IFT43: variants seen among roughly 807,000 people sequenced by gnomAD.
IFT43 encodes the protein intraflagellar transport 43.
In IFT43, 33 loss-of-function variants were observed where a neutral mutation model predicts 32.3. The ratio of observed to expected loss-of-function variants is 1.02; its 90% confidence interval spans 0.77 to 1.37. IFT43 has a LOEUF of 1.37. Among genes scored for constraint, IFT43 ranks in the 40% most tolerant of loss-of-function variants. The pLI is 0.00. For missense variants in IFT43, 274 were observed against 265.9 expected, an observed-to-expected ratio of 1.03 and a Z score of -0.21; for synonymous variants, 93 against 98.2, an observed-to-expected ratio of 0.95 and a Z score of 0.31.
At chr14:76,002,249 AAAAAT>A (rs747248767) in intron 2 of IFT43, among the ~76,000 whole-genome samples, 30 of 152,250 alleles carry the variant, frequency 2.0e-4, no homozygotes, top group African/African-American at 7.2e-5. Flanking sequence ...CTGTGTCTCA[AAAAAT>A]AAAATAAATA....
chr14:76,018,906 G>A (rs1853456664), intron 2 of IFT43, among the ~76,000 whole-genome samples: 1 of 151,932 alleles, frequency 6.6e-6, no homozygotes, highest in African/African-American at 2.4e-5. Context: ...GTCTATGTGT[G>A]TCTTTATAAG....
In IFT43 at chr14:75,991,388, AGTGTGTGTGTGTGT is replaced by A. The variant is rs34624480; in HGVS notation, c.147+2436_147+2449del. On this transcript the variant is annotated intron_variant, in intron 2 of 8. Transcript: ENST00000314067. ...ATATATATATATAAATATTAACAAGAGTGTGTGTGTGTGTGTGTGTGTGTGTGTGTGTGTGTGTA... is the reference window on the plus strand; with the variant it reads ...ATATATATATATAAATATTAACAAGAGTGTGTGTGTGTGTGTGTGTGTGTA... 8.2e-3 allele frequency among the ~76,000 whole-genome samples: 1,168 copies of A among 141,990 alleles called. 9 individuals carry two copies. The highest frequency in any genetic ancestry group is 0.011 in the Non-Finnish European group (696 of 65,716). The allele number at this position is 141,990 out of a possible 152,430, so 93.2% of individuals were successfully genotyped here.
At chr14:76,080,627 T>C (rs2037492596) in intron 5 of IFT43, among the ~76,000 whole-genome samples, 1 of 152,172 alleles carries the variant, frequency 6.6e-6, no homozygotes, top group Non-Finnish European at 1.5e-5. Flanking sequence ...ACTCCAAAAC[T>C]GTCACACTGC....
Position 76,083,429 on chromosome 14 carries a change from G to T in IFT43, c.508-29G>T, listed in dbSNP as rs369893677. 4 of 1,613,966 alleles carry T rather than the reference G, an allele frequency of 2.5e-6. No individual in the cohort carries two copies. The African/African-American group carries it at 5.3e-5, about 22-fold the overall frequency. On this transcript the variant is annotated intron_variant, in intron 8 of 8. Transcript: ENST00000314067. ...CAGTTGAGGGAAAAGGCCTTTCTTT[G>T]TCTTACCCAGCGAAACCCTTCTTGG...
chr14:75,989,725 C>T (rs2035599678), intron 2 of IFT43, among the ~76,000 whole-genome samples: 2 of 152,060 alleles, frequency 1.3e-5, no homozygotes, highest in Non-Finnish European at 2.9e-5. Context: ...TGTCTGTCTC[C>T]CCCACCGGAC....
intron 5 of IFT43, among the ~76,000 whole-genome samples, chr14:76,080,786 A>G (rs771172602): frequency 2.6e-5 from 4 of 152,224 alleles, no homozygotes; most frequent in African/African-American, 4.8e-5. Context: ...CTAAATTTCT[A>G]TTAGCATAAG....
chr14:76,035,574 A>T (rs943465684), intron 3 of IFT43, among the ~76,000 whole-genome samples: 2 of 152,188 alleles, frequency 1.3e-5, no homozygotes, highest in African/African-American at 4.8e-5. Context: ...CAAGTAGTTG[A>T]TTCCTATTAG....
At chr14:76,028,614 G>A (rs997909929) in intron 3 of IFT43, among the ~76,000 whole-genome samples, 3 of 151,732 alleles carry the variant, frequency 2.0e-5, no homozygotes, top group Non-Finnish European at 3.0e-5. Flanking sequence ...GTCCTCGCCC[G>A]CAACCCCTTT....
chr14:76,076,353 C>T (rs76025559), intron 5 of IFT43, among the ~76,000 whole-genome samples: 1 of 152,158 alleles, frequency 6.6e-6, no homozygotes, highest in East Asian at 1.9e-4. Flanking sequence ...CTGAACATGA[C>T]CAGGGAATCC....
chr14:76,035,396 G>A (rs1013997437), intron 3 of IFT43, among the ~76,000 whole-genome samples: 7 of 152,226 alleles, frequency 4.6e-5, no homozygotes, highest in African/African-American at 1.2e-4. Context: ...TTAAGATGGC[G>A]GTAGAACTGC....
intron 5 of IFT43, among the ~76,000 whole-genome samples, chr14:76,060,585 G>C (rs1244839944): frequency 6.6e-6 from 1 of 151,164 alleles, no homozygotes; most frequent in African/African-American, 2.4e-5. Context: ...TTGTTTGTTT[G>C]TGTAGATCCT....
At chr14:76,052,727 A>G (rs530090900) in intron 3 of IFT43, among the ~76,000 whole-genome samples, 2 of 152,344 alleles carry the variant, frequency 1.3e-5, no homozygotes, top group African/African-American at 2.4e-5. Flanking sequence ...AGGGAGGAAT[A>G]TGGAGAGAAA....
At chr14:76,047,512 G>C (rs2036830609) in intron 3 of IFT43, among the ~76,000 whole-genome samples, 1 of 152,206 alleles carries the variant, frequency 6.6e-6, no homozygotes, top group Non-Finnish European at 1.5e-5. Context: ...GGAGTATAAA[G>C]GGGGAAGTAA....
chr14:76,019,241 T>C (rs139401103), intron 2 of IFT43, among the ~76,000 whole-genome samples: 1 of 152,320 alleles, frequency 6.6e-6, no homozygotes, highest in Non-Finnish European at 1.5e-5. Context: ...CACTTCCATA[T>C]GTAGGACTCC....
At chr14:76,011,144 A>T (rs2036077971) in intron 2 of IFT43, among the ~76,000 whole-genome samples, 1 of 152,044 alleles carries the variant, frequency 6.6e-6, no homozygotes, top group Admixed American at 6.6e-5. Context: ...TTCTGGCCTC[A>T]AGTGATCCTT....
At chr14:76,079,364 T>C (rs1254176855) in intron 5 of IFT43, among the ~76,000 whole-genome samples, 1 of 152,242 alleles carries the variant, frequency 6.6e-6, no homozygotes, top group African/African-American at 2.4e-5. Context: ...TTATTGAATA[T>C]TATATACTGA....
At chr14:76,056,969 A>C (rs1306320246) in intron 3 of IFT43, among the ~76,000 whole-genome samples, 1 of 152,026 alleles carries the variant, frequency 6.6e-6, no homozygotes, top group Non-Finnish European at 1.5e-5. Flanking sequence ...GCCTCCCACT[A>C]CCCATTCTGT....
intron 2 of IFT43, among the ~76,000 whole-genome samples, chr14:75,992,331 C>T (rs544392865): frequency 2.1e-4 from 32 of 152,144 alleles, no homozygotes; most frequent in Non-Finnish European, 3.4e-4. Context: ...CGCATTGAGA[C>T]GCTTTTTAAT....
chr14:76,012,420 G>A lies in IFT43; in HGVS notation c.148-9907G>A, dbSNP rs1458278671. Among the ~76,000 whole-genome samples, 3 of 152,294 alleles carry A rather than the reference G, an allele frequency of 2.0e-5. 1 individual carries two copies. The highest frequency in any genetic ancestry group is 4.1e-4 in the South Asian group (2 of 4,826). On this transcript the variant is annotated intron_variant, in intron 2 of 8. Coordinates refer to ENST00000314067, the MANE Select transcript of IFT43 (RefSeq NM_001102564.3). ...CATTCGGATGAGACCATATAAAGAG[G>A]CCATTTCCTGAAATTCCCGCTCTCT...
Sources: gnomAD v4.1 joint callset for allele counts (sites outside exome capture counted in the v4.1 genomes callset) on GRCh38, gnomAD v4.1.1 for gene constraint, MANE v1.5 for transcripts, NCBI Gene and HGNC (gene_info 2026-07-23, HGNC 2026-07-21) for gene names.